Variants in YAF2 observed in about 807,000 individuals in gnomAD.
The protein encoded by YAF2 is YY1-associated factor 2.
A neutral mutation model predicts 20.1 loss-of-function variants in YAF2; 7 were observed. The ratio of observed to expected loss-of-function variants is 0.35; its 90% confidence interval spans 0.20 to 0.65. YAF2 has a LOEUF of 0.65. Ranked by LOEUF, YAF2 falls within the 30% of genes least tolerant of loss-of-function variation. The probability of loss-of-function intolerance (pLI) is 0.69; values close to 1 mark genes in which losing one functional copy is unlikely to be tolerated. For synonymous variants in YAF2, 74 were observed against 76.0 expected, an observed-to-expected ratio of 0.97 and a Z score of 0.14; for missense variants, 151 against 219.2, an observed-to-expected ratio of 0.69 and a Z score of 1.96.
intron 2 of YAF2, among the ~76,000 whole-genome samples, chr12:42,205,705 G>C (rs2067022223): frequency 6.6e-6 from 1 of 151,966 alleles, no homozygotes; most frequent in Admixed American, 6.6e-5. Context: ...ACCAAATTCT[G>C]TTTTCATTTT....
At chr12:42,202,891 C>A (rs1451337562) in intron 2 of YAF2, among the ~76,000 whole-genome samples, 1 of 152,178 alleles carries the variant, frequency 6.6e-6, no homozygotes, top group African/African-American at 2.4e-5. Flanking sequence ...CCCGCCTCCG[C>A]CTCTCAAAGT....
intron 2 of YAF2, among the ~76,000 whole-genome samples, chr12:42,196,689 T>C (rs548754593): frequency 6.6e-6 from 1 of 152,294 alleles, no homozygotes; most frequent in South Asian, 2.1e-4. Flanking sequence ...ACTGTTGCAA[T>C]GAACAAAGTG....
chr12:42,228,678 G>A (rs2067867198), intron 2 of YAF2, among the ~76,000 whole-genome samples: 2 of 99,864 alleles, frequency 2.0e-5, no homozygotes, highest in Admixed American at 1.7e-4. Context: ...CAGCCCCCCT[G>A]CCCGGCCAGC....
At chr12:42,171,440 T>C (rs192366390) in intron 2 of YAF2, among the ~76,000 whole-genome samples, 1 of 152,006 alleles carries the variant, frequency 6.6e-6, no homozygotes, top group African/African-American at 2.4e-5. Flanking sequence ...CAGTGCACTA[T>C]GATCATACCT....
intron 2 of YAF2, among the ~76,000 whole-genome samples, chr12:42,183,040 C>T (rs914252363): frequency 4.6e-5 from 7 of 151,948 alleles, no homozygotes; most frequent in Non-Finnish European, 7.4e-5. Context: ...AAAATGTTTT[C>T]GTTATTATTA....
Position 42,235,934 on chromosome 12 carries a change from G to A in YAF2, c.152+1665C>T, listed in dbSNP as rs1255761223. 3 of 1,535,840 alleles carry A rather than the reference G, an allele frequency of 2.0e-6. No homozygotes were observed. The East Asian group carries it at 7.3e-5, about 38-fold the overall frequency. On this transcript the variant is annotated intron_variant, in intron 2 of 3. Transcript: ENST00000534854. ...TGCCACCACCTACTCTATTTCTCAG[G>A]GTTCCTCTAACCCCAAGACTGGCTG...
At chr12:42,196,840 T>C (rs1169188202) in intron 2 of YAF2, among the ~76,000 whole-genome samples, 1 of 152,204 alleles carries the variant, frequency 6.6e-6, no homozygotes, top group African/African-American at 2.4e-5. Flanking sequence ...AACAAGACTA[T>C]GAGCAAACCG....
At chr12:42,233,963 G>C in intron 2 of YAF2, 3 of 948,278 alleles carry the variant, frequency 3.2e-6, no homozygotes, top group Non-Finnish European at 3.8e-6. Flanking sequence ...CTGAGGTCAG[G>C]AGTTTGAGAC....
chr12:42,202,270 A>AT (rs918631806), intron 2 of YAF2, among the ~76,000 whole-genome samples: 5 of 152,088 alleles, frequency 3.3e-5, no homozygotes, highest in Non-Finnish European at 5.9e-5. Flanking sequence ...AAGTGCCATA[A>AT]TTTTTTTAAC....
chr12:42,206,503 T>C (rs1284009136), intron 2 of YAF2, among the ~76,000 whole-genome samples: 1 of 150,922 alleles, frequency 6.6e-6, no homozygotes, highest in Non-Finnish European at 1.5e-5. Flanking sequence ...TAGCTACTCG[T>C]GAGGCTGAGG....
At chr12:42,186,797 A>G (rs1052353348) in intron 2 of YAF2, among the ~76,000 whole-genome samples, 1 of 152,240 alleles carries the variant, frequency 6.6e-6, no homozygotes, top group African/African-American at 2.4e-5. Flanking sequence ...AACTGTTAGC[A>G]TTTTAGAGGG....
chr12:42,179,789 CAAAAAA>C (rs71084622), intron 2 of YAF2, among the ~76,000 whole-genome samples: 5 of 85,128 alleles, frequency 5.9e-5, no homozygotes, highest in Admixed American at 2.9e-4. Context: ...GTCTAAAAGG[CAAAAAA>C]AAAAAAAAAA....
chr12:42,232,513 A>T (rs1647112070), intron 2 of YAF2: 2 of 985,448 alleles, frequency 2.0e-6, no homozygotes, highest in Non-Finnish European at 2.4e-6. Context: ...AAAACAAACA[A>T]GTAAGAAATC....
intron 2 of YAF2, chr12:42,232,109 T>A (rs906188885): frequency 6.6e-6 from 1 of 152,222 alleles, no homozygotes; most frequent in East Asian, 1.9e-4. Flanking sequence ...TTTAAAAATA[T>A]GAGATGTAAT....
At chr12:42,227,654 T>C (rs982059069) in intron 2 of YAF2, among the ~76,000 whole-genome samples, 2 of 148,794 alleles carry the variant, frequency 1.3e-5, no homozygotes, top group Non-Finnish European at 3.0e-5. Flanking sequence ...AGCTGCCCCG[T>C]CTGAGAAGTG....
At chr12:42,162,833 A>T (rs2065828634) in intron 2 of YAF2, among the ~76,000 whole-genome samples, 2 of 152,208 alleles carry the variant, frequency 1.3e-5, no homozygotes. Context: ...CTCAGGGCCT[A>T]GACAGTCTGA....
intron 2 of YAF2, among the ~76,000 whole-genome samples, chr12:42,178,138 AAAAT>A (rs2066245448): frequency 6.6e-6 from 1 of 152,246 alleles, no homozygotes; most frequent in African/African-American, 2.4e-5. Flanking sequence ...TCAATAAAGA[AAAAT>A]AAATATTTAA....
chr12:42,202,282 G>A lies in YAF2; in HGVS notation c.152+35317C>T, dbSNP rs150766395. ...TTCAAGTGCCATAATTTTTTTAACAGAGGTACTTACATAAAGCATACAAAT... is the reference window on the plus strand; with the variant it reads ...TTCAAGTGCCATAATTTTTTTAACAAAGGTACTTACATAAAGCATACAAAT... On this transcript the variant is annotated intron_variant, in intron 2 of 3. Coordinates refer to ENST00000534854, the MANE Select transcript of YAF2 (RefSeq NM_005748.6). Among the ~76,000 whole-genome samples, 5 of 152,202 alleles carry A rather than the reference G, an allele frequency of 3.3e-5. No homozygotes were observed. In the East Asian group the frequency reaches 9.7e-4, roughly 29 times the overall value.
At chr12:42,172,305 C>T (rs568097173) in intron 2 of YAF2, 14 of 152,242 alleles carry the variant, frequency 9.2e-5, no homozygotes, top group Admixed American at 2.0e-4. Flanking sequence ...GGACAGAAGT[C>T]GTACAAAATT....
Sources: gnomAD v4.1 joint callset for allele counts (sites outside exome capture counted in the v4.1 genomes callset) on GRCh38, gnomAD v4.1.1 for gene constraint, MANE v1.5 for transcripts, NCBI Gene and HGNC (gene_info 2026-07-23, HGNC 2026-07-21) for gene names.